Variants in XYLT1 observed in about 807,000 individuals in gnomAD.
The protein encoded by XYLT1 is beta-D-xylosyltransferase 1.
In XYLT1, 36 loss-of-function variants were observed where a neutral mutation model predicts 91.3. That is an observed-to-expected ratio of 0.39 (90% CI 0.30 to 0.52). The LOEUF is 0.52. Ranked by LOEUF, XYLT1 falls within the 20% of genes least tolerant of loss-of-function variation. XYLT1 has a pLI of 0.68. For missense variants in XYLT1, 1,242 were observed against 1,284.5 expected (o/e 0.97, Z 0.51); for synonymous variants, 588 against 532.0 (o/e 1.11, Z -1.45).
intron 1 of XYLT1, among the ~76,000 whole-genome samples, chr16:17,378,285 T>C (rs1394849276): frequency 2.1e-5 from 3 of 141,450 alleles, no homozygotes; most frequent in Non-Finnish European, 4.4e-5. Flanking sequence ...CAAATAGGTA[T>C]TTATTTGTTC....
intron 1 of XYLT1, among the ~76,000 whole-genome samples, chr16:17,464,995 T>C (rs768415061): frequency 1.8e-4 from 28 of 151,556 alleles, no homozygotes; most frequent in Non-Finnish European, 4.4e-5. Flanking sequence ...AATACAAAAA[T>C]TAGCCAGGCG....
chr16:17,340,414 A>G (rs141191878), intron 2 of XYLT1, among the ~76,000 whole-genome samples: 4 of 152,372 alleles, frequency 2.6e-5, no homozygotes, highest in Non-Finnish European at 5.9e-5. Flanking sequence ...TGGGGCCCCA[A>G]GCTCAGGCAG....
At chr16:17,242,027 T>C (rs1342711567) in intron 3 of XYLT1, among the ~76,000 whole-genome samples, 1 of 152,204 alleles carries the variant, frequency 6.6e-6, no homozygotes, top group Non-Finnish European at 1.5e-5. Context: ...CTCCTCTTTA[T>C]AAAACCATCA....
chr16:17,371,806 T>C (rs1007451142), intron 1 of XYLT1, among the ~76,000 whole-genome samples: 3 of 152,190 alleles, frequency 2.0e-5, no homozygotes, highest in African/African-American at 4.8e-5. Flanking sequence ...TTTCTCCAGC[T>C]CTGTTTATTA....
intron 11 of XYLT1, among the ~76,000 whole-genome samples, chr16:17,117,169 C>T (rs1177544062): frequency 6.6e-6 from 1 of 152,196 alleles, no homozygotes; most frequent in Admixed American, 6.5e-5. Flanking sequence ...TGGCCAACTT[C>T]TGATGAATAG....
chr16:17,465,143 C>CAAAA (rs35623153), intron 1 of XYLT1, among the ~76,000 whole-genome samples: 385 of 35,846 alleles, frequency 0.011, 53 homozygotes, highest in Admixed American at 0.02. Flanking sequence ...GATGCTGTCT[C>CAAAA]AAAAAAAAAA....
At chr16:17,290,448 C>T (rs942121682) in intron 2 of XYLT1, among the ~76,000 whole-genome samples, 1 of 152,236 alleles carries the variant, frequency 6.6e-6, no homozygotes, top group African/African-American at 2.4e-5. Context: ...TGCCATGACT[C>T]TTGGAGCCAA....
intron 4 of XYLT1, among the ~76,000 whole-genome samples, chr16:17,199,766 G>C (rs1002428596): frequency 3.9e-5 from 6 of 152,152 alleles, no homozygotes; most frequent in Non-Finnish European, 5.9e-5. Context: ...GGCTTCCCCA[G>C]CTGCTTAGAA....
chr16:17,451,616 C>T (rs555416776), intron 1 of XYLT1, among the ~76,000 whole-genome samples: 1 of 152,328 alleles, frequency 6.6e-6, no homozygotes, highest in South Asian at 2.1e-4. Context: ...TCATAGAAAA[C>T]TTCTACTATG....
chr16:17,380,179 TC>T (rs1320193628), intron 1 of XYLT1, among the ~76,000 whole-genome samples: 1 of 152,148 alleles, frequency 6.6e-6, no homozygotes, highest in African/African-American at 2.4e-5. Context: ...TCCCAGCTAT[TC>T]GGGAGGCTGA....
intron 2 of XYLT1, among the ~76,000 whole-genome samples, chr16:17,299,305 G>A (rs982383469): frequency 6.6e-6 from 1 of 152,136 alleles, no homozygotes; most frequent in East Asian, 1.9e-4. Flanking sequence ...TGAATTGGGG[G>A]AAATAACAGA....
chr16:17,213,072 T>C (rs957722741), intron 3 of XYLT1, among the ~76,000 whole-genome samples: 1 of 152,140 alleles, frequency 6.6e-6, no homozygotes, highest in Non-Finnish European at 1.5e-5. Context: ...TAACCCACAG[T>C]GTTGGAGGTG....
At chr16:17,115,964 A>ATTAGC (rs1275486736) in intron 11 of XYLT1, among the ~76,000 whole-genome samples, 2 of 143,034 alleles carry the variant, frequency 1.4e-5, no homozygotes, top group African/African-American at 5.1e-5. Context: ...AGCTTTATAT[A>ATTAGC]TACTGACTTA....
chr16:17,342,654 G>A lies in XYLT1; in HGVS notation c.402+15358C>T, dbSNP rs2035078661. Among the ~76,000 whole-genome samples, 3 of 152,036 alleles carry A rather than the reference G, an allele frequency of 2.0e-5. No individual in the cohort carries two copies. The South Asian group carries it at 6.2e-4, about 32-fold the overall frequency. On this transcript the variant is annotated intron_variant, in intron 2 of 11. Coordinates refer to ENST00000261381, the MANE Select transcript of XYLT1 (RefSeq NM_022166.4). ...GGAGAATCGCTGGAACCCGGGAGAC[G>A]GAGGTTGCAGTGAGCCGAGATCGCA...
At chr16:17,201,338 T>C (rs79221805) in intron 3 of XYLT1, among the ~76,000 whole-genome samples, 3,426 of 152,294 alleles carry the variant, frequency 0.022, 131 homozygotes, top group African/African-American at 0.077. Flanking sequence ...ACCTACAGCT[T>C]AGGCCTGGCC....
intron 2 of XYLT1, among the ~76,000 whole-genome samples, chr16:17,287,191 C>CT (rs1468071559): frequency 4.6e-5 from 7 of 152,102 alleles, no homozygotes; most frequent in Admixed American, 4.6e-4. Context: ...CCAGGCCTGG[C>CT]GTGGATCTAG....
rs958933914 is a variant in XYLT1, at chr16:17,104,866, T to A, written c.*3829A>T. ...CCCCATCCTTGCCCCCACCATGCCCTTTTGCCTCACACCAACCATTTCACG... is the reference window on the plus strand; with the variant it reads ...CCCCATCCTTGCCCCCACCATGCCCATTTGCCTCACACCAACCATTTCACG... On this transcript the variant is annotated 3_prime_UTR_variant, in exon 12 of 12. Transcript: ENST00000261381. 3.3e-5 allele frequency: 5 copies of A among 152,338 alleles called. No individual in the cohort carries two copies. The highest frequency in any genetic ancestry group is 9.6e-5 in the African/African-American group (4 of 41,550). The allele number at this position is 152,338 out of a possible 1,614,324, so 9.4% of individuals were successfully genotyped here. A position where few individuals can be genotyped will look rare whatever the true frequency, so the allele number is the denominator to read the frequency against.
chr16:17,306,844 T>C (rs1255051911), intron 2 of XYLT1, among the ~76,000 whole-genome samples: 2 of 152,122 alleles, frequency 1.3e-5, no homozygotes, highest in East Asian at 3.9e-4. Flanking sequence ...AAAAGGGTAT[T>C]AGAGGCATCT....
chr16:17,289,146 G>C (rs1483920052), intron 2 of XYLT1, among the ~76,000 whole-genome samples: 2 of 152,180 alleles, frequency 1.3e-5, no homozygotes, highest in East Asian at 3.8e-4. Context: ...TACAGTCTCT[G>C]CCTCAACCTC....
Sources: allele counts gnomAD v4.1 joint callset (sites outside exome capture counted in the v4.1 genomes callset), GRCh38; gene constraint gnomAD v4.1.1; transcripts MANE v1.5; gene names NCBI Gene and HGNC (gene_info 2026-07-23, HGNC 2026-07-21).